Variants in PTPN12 observed in about 807,000 individuals in gnomAD.
PTPN12 encodes tyrosine-protein phosphatase non-receptor type 12.
In PTPN12, 29 loss-of-function variants were observed where a neutral mutation model predicts 97.6. That is an observed-to-expected ratio of 0.30 (90% CI 0.22 to 0.41). PTPN12 has a LOEUF of 0.41. Among genes scored for constraint, PTPN12 ranks in the 10% least tolerant of loss-of-function variants. The pLI, the probability that PTPN12 is intolerant of heterozygous loss-of-function variation, is 1.00. For missense variants in PTPN12, 819 were observed against 926.0 expected, an observed-to-expected ratio of 0.88 and a Z score of 1.50; for synonymous variants, 327 against 300.4, an observed-to-expected ratio of 1.09 and a Z score of -0.91.
At chr7:77,593,536 T>A (rs191878209) in intron 6 of PTPN12, among the ~76,000 whole-genome samples, 248 of 152,300 alleles carry the variant, frequency 1.6e-3, no homozygotes, top group South Asian at 2.1e-3. Flanking sequence ...TCAGTTCTAG[T>A]TGGAAAAGTC....
chr7:77,550,966 A>T (rs1022934563), intron 1 of PTPN12, among the ~76,000 whole-genome samples: 1 of 152,210 alleles, frequency 6.6e-6, no homozygotes, highest in South Asian at 2.1e-4. Flanking sequence ...CTTCAGGATC[A>T]TACTGGTAAA....
At chr7:77,591,273 A>G (rs1189682256) in intron 5 of PTPN12, among the ~76,000 whole-genome samples, 2 of 152,162 alleles carry the variant, frequency 1.3e-5, no homozygotes, top group Non-Finnish European at 2.9e-5. Context: ...TCATTAACCA[A>G]TGCATTTCCC....
chr7:77,629,024 ACTGCAACCTCC>A (rs2151399128), intron 13 of PTPN12, among the ~76,000 whole-genome samples: 1 of 152,326 alleles, frequency 6.6e-6, no homozygotes, highest in Non-Finnish European at 1.5e-5. Flanking sequence ...ATCTTGGCTC[ACTGCAACCTCC>A]GCCTCCTGGG....
At chr7:77,623,875 G>A (rs1051684677) in intron 12 of PTPN12, among the ~76,000 whole-genome samples, 1 of 151,950 alleles carries the variant, frequency 6.6e-6, no homozygotes, top group South Asian at 2.1e-4. Flanking sequence ...TAACCTATTG[G>A]TCTTTGCATA....
In PTPN12 at chr7:77,637,046, G is replaced by A; in HGVS notation, c.2171G>A (p.Cys724Tyr). ...TTGATAACCTCTGAAAATGAGAAAT[G>A]TGGTAAGTTGTTAGATTTTTTTTTT... ...EGLITSENEKCDHPAGGIHYE... is the reference protein window; with the variant it reads ...EGLITSENEKYDHPAGGIHYE... Residue 724 changes from cysteine (C) to tyrosine (Y), a missense_variant and splice_region_variant, in exon 16 of 18, where the codon TGT (cysteine) becomes TAT (tyrosine). Cys to Tyr is a radical substitution (Grantham distance 194). Transcript: ENST00000248594. The A allele has an allele frequency of 6.2e-7, 1 of 1,606,536 alleles. No homozygotes were observed. Among genetic ancestry groups the A allele is most frequent in the South Asian group, 1.1e-5 (1 of 90,476 alleles).
Position 77,582,084 on chromosome 7 carries a change from CTTTTTTT to C in PTPN12, c.285+603_285+609del, listed in dbSNP as rs11341609. Among the ~76,000 whole-genome samples, 38 of 52,874 alleles carry C rather than the reference CTTTTTTT, an allele frequency of 7.2e-4. No homozygotes were observed. The South Asian group carries it at 0.015, about 21-fold the overall frequency. The allele number at this position is 52,874 out of a possible 152,430, so 34.7% of individuals were successfully genotyped here. ...CCCTTTGATGAAAAGCAGTCAAGTT[CTTTTTTT>C]TTTTTTTTTTTTTTTTTTTTTGAGA... On this transcript the variant is annotated intron_variant, in intron 3 of 17. Transcript: ENST00000248594.
At position 77,537,685 on chromosome 7, in the gene PTPN12, C is replaced by T. The variant is rs1806722259; in HGVS notation, c.99+40C>T. 3 of 1,544,986 alleles carry T rather than the reference C, an allele frequency of 1.9e-6. No individual in the cohort carries two copies. In the East Asian group the frequency reaches 7.6e-5, roughly 39 times the overall value. On this transcript the variant is annotated intron_variant, in intron 1 of 17. Transcript: ENST00000248594. ...TCGCTGTCGCGTTTTCTTGCCGGCG[C>T]CGGAGCCCATCGCCGCCTCTCCCGG...
intron 2 of PTPN12, among the ~76,000 whole-genome samples, chr7:77,580,613 A>T (rs1787483054): frequency 6.6e-6 from 1 of 152,154 alleles, no homozygotes; most frequent in Admixed American, 6.5e-5. Flanking sequence ...AATTTTTAAA[A>T]ATTATATACA....
intron 1 of PTPN12, among the ~76,000 whole-genome samples, chr7:77,559,882 G>A (rs1482419197): frequency 6.6e-6 from 1 of 152,202 alleles, no homozygotes; most frequent in Admixed American, 6.5e-5. Flanking sequence ...TATAATCTTG[G>A]GTGATGGCGG....
chr7:77,621,119 T>TTTAC (rs200677878), intron 12 of PTPN12, among the ~76,000 whole-genome samples: 1 of 151,936 alleles, frequency 6.6e-6, no homozygotes. Context: ...TATTTATTTA[T>TTTAC]TTACTTTTTA....
intron 3 of PTPN12, 27 bp downstream of exon 3, chr7:77,581,530 C>G: frequency 7.2e-7 from 1 of 1,396,370 alleles, no homozygotes; most frequent in Non-Finnish European, 9.9e-7. Context: ...AATGGTGTTT[C>G]TCTGCCATAT....
chr7:77,579,129 A>C (rs186398267), intron 2 of PTPN12, among the ~76,000 whole-genome samples: 5 of 152,194 alleles, frequency 3.3e-5, no homozygotes, highest in Admixed American at 3.3e-4. Context: ...AATTATTATT[A>C]TTATTATCTT....
intron 11 of PTPN12, among the ~76,000 whole-genome samples, chr7:77,617,504 G>A (rs1482976862): frequency 6.6e-6 from 1 of 152,152 alleles, no homozygotes; most frequent in African/African-American, 2.4e-5. Context: ...GTAACAGTTG[G>A]ACAAGCTGTC....
chr7:77,587,318 C>T (rs766098666), intron 5 of PTPN12, among the ~76,000 whole-genome samples: 2 of 152,144 alleles, frequency 1.3e-5, no homozygotes, highest in Non-Finnish European at 2.9e-5. Context: ...ATATTAATCT[C>T]CTTGTACATG....
chr7:77,554,542 T>A (rs1008634894), intron 1 of PTPN12, among the ~76,000 whole-genome samples: 1 of 152,260 alleles, frequency 6.6e-6, no homozygotes, highest in Non-Finnish European at 1.5e-5. Context: ...GTTTTAATTT[T>A]ACTTTCATTT....
intron 3 of PTPN12, among the ~76,000 whole-genome samples, chr7:77,583,126 C>G (rs1321999433): frequency 6.6e-6 from 1 of 152,126 alleles, no homozygotes. Flanking sequence ...GCTTGATAAA[C>G]TTTTGAGTTG....
At chr7:77,592,502 T>C in intron 6 of PTPN12, 2 of 365,908 alleles carry the variant, frequency 5.5e-6, no homozygotes, top group South Asian at 1.2e-4. Context: ...TGTATATCAA[T>C]TGATAGTAGG....
At chr7:77,629,745 C>T (rs921334207) in intron 13 of PTPN12, among the ~76,000 whole-genome samples, 5 of 151,858 alleles carry the variant, frequency 3.3e-5, no homozygotes, top group African/African-American at 1.2e-4. Context: ...AGTTCATAAC[C>T]AGTCTGGGTG....
intron 12 of PTPN12, among the ~76,000 whole-genome samples, chr7:77,621,539 G>T (rs113724286): frequency 2.6e-5 from 4 of 152,044 alleles, no homozygotes; most frequent in African/African-American, 9.6e-5. Flanking sequence ...CGTTGTGGCG[G>T]GCACCTGTAG....
Sources: gnomAD v4.1 joint callset for allele counts (sites outside exome capture counted in the v4.1 genomes callset) on GRCh38, gnomAD v4.1.1 for gene constraint, MANE v1.5 for transcripts, NCBI Gene and HGNC (gene_info 2026-07-23, HGNC 2026-07-21) for gene names.